Variants in DPP6 observed in about 807,000 individuals in gnomAD.
The protein encoded by DPP6 is dipeptidyl peptidase like 6, also known as A-type potassium channel modulatory protein DPP6.
DPP6 carries 69 observed loss-of-function variants against 122.6 expected under a neutral mutation model. That is an observed-to-expected ratio of 0.56 (90% CI 0.46 to 0.69). DPP6 has a LOEUF of 0.69. DPP6 is among the 30% of genes least tolerant of loss of function. The probability of loss-of-function intolerance (pLI) is 0.00; values close to 1 mark genes in which losing one functional copy is unlikely to be tolerated. For missense variants in DPP6, 928 were observed against 1,116.9 expected, an observed-to-expected ratio of 0.83 and a Z score of 2.41; for synonymous variants, 418 against 433.1, an observed-to-expected ratio of 0.97 and a Z score of 0.43.
At chr7:154,684,370 A>C (rs1204897676) in intron 7 of DPP6, among the ~76,000 whole-genome samples, 1 of 152,178 alleles carries the variant, frequency 6.6e-6, no homozygotes, top group East Asian at 1.9e-4. Context: ...TCTCGTGTTC[A>C]CTGCTGTGTC....
intron 22 of DPP6, 64 bp downstream of exon 22, chr7:154,885,808 G>T: frequency 1.3e-6 from 2 of 1,533,634 alleles, no homozygotes; most frequent in Admixed American, 4.0e-5. Flanking sequence ...CCCTGCCTGC[G>T]TGGCCCCACA....
intron 6 of DPP6, among the ~76,000 whole-genome samples, chr7:154,648,428 A>G (rs2130978916): frequency 6.6e-6 from 1 of 152,194 alleles, no homozygotes; most frequent in East Asian, 1.9e-4. Flanking sequence ...AGAGGGTTGG[A>G]CACAAATACC....
chr7:154,234,433 A>T (rs1360068934), intron 1 of DPP6, among the ~76,000 whole-genome samples: 1 of 152,192 alleles, frequency 6.6e-6, no homozygotes, highest in African/African-American at 2.4e-5. Context: ...GCTAAACATT[A>T]TCCAGAAATA....
intron 3 of DPP6, among the ~76,000 whole-genome samples, chr7:154,533,256 G>A (rs918905245): frequency 1.3e-5 from 2 of 152,054 alleles, no homozygotes; most frequent in Non-Finnish European, 2.9e-5. Context: ...TTTGTTGTAG[G>A]TGCCTCAGCC....
chr7:154,021,388 T>C (rs993453398), intron 1 of DPP6, among the ~76,000 whole-genome samples: 1 of 152,170 alleles, frequency 6.6e-6, no homozygotes, highest in African/African-American at 2.4e-5. Context: ...AGGGGTGCTG[T>C]GCTACTTCAG....
chr7:154,242,772 T>C (rs1417218744), intron 1 of DPP6, among the ~76,000 whole-genome samples: 1 of 152,206 alleles, frequency 6.6e-6, no homozygotes, highest in African/African-American at 2.4e-5. Context: ...GGACAAGGGT[T>C]TCCAGAAGTC....
chr7:154,015,711 A>C (rs546850785), intron 1 of DPP6, among the ~76,000 whole-genome samples: 1 of 152,056 alleles, frequency 6.6e-6, no homozygotes, highest in South Asian at 2.1e-4. Context: ...CCCCTAATCC[A>C]TGCAGTACAC....
intron 8 of DPP6, among the ~76,000 whole-genome samples, chr7:154,764,475 C>T (rs1173395324): frequency 6.6e-6 from 1 of 152,180 alleles, no homozygotes; most frequent in Non-Finnish European, 1.5e-5. Context: ...GAACTCAGCA[C>T]ACACCCAACC....
At chr7:154,257,104 C>T (rs1399417953) in intron 1 of DPP6, among the ~76,000 whole-genome samples, 1 of 151,114 alleles carries the variant, frequency 6.6e-6, no homozygotes, top group Non-Finnish European at 1.5e-5. Context: ...TCAAACGATC[C>T]TCCCACCTCA....
chr7:154,020,981 G>A (rs544280894), intron 1 of DPP6, among the ~76,000 whole-genome samples: 2 of 152,284 alleles, frequency 1.3e-5, no homozygotes, highest in South Asian at 2.1e-4. Context: ...CCAGGAAGCT[G>A]TGGTCCACAT....
intron 1 of DPP6, among the ~76,000 whole-genome samples, chr7:153,995,135 A>G (rs1179141956): frequency 1.3e-5 from 2 of 152,198 alleles, no homozygotes; most frequent in Non-Finnish European, 2.9e-5. Flanking sequence ...CTAGAAGTAA[A>G]CCACAGATTG....
intron 10 of DPP6, among the ~76,000 whole-genome samples, chr7:154,775,478 A>T (rs560784509): frequency 1.3e-5 from 2 of 152,270 alleles, no homozygotes; most frequent in South Asian, 4.2e-4. Context: ...AGTGGTCACC[A>T]TATAATTTTT....
chr7:154,779,292 C>CCA (rs1796878391), intron 10 of DPP6, among the ~76,000 whole-genome samples: 1 of 82,964 alleles, frequency 1.2e-5, no homozygotes, highest in Non-Finnish European at 3.2e-5. Context: ...ACCACCCCCA[C>CCA]TACTATCACC....
chr7:153,786,713 T>C, the DPP6 span, among the ~76,000 whole-genome samples: 83 of 123,892 alleles, frequency 6.7e-4, no homozygotes, highest in African/African-American at 2.6e-3. Context: ...CACTCCAGCC[T>C]GGGCGACAGA....
At chr7:153,831,707 C>G in the DPP6 span, among the ~76,000 whole-genome samples, 3 of 151,812 alleles carry the variant, frequency 2.0e-5, no homozygotes, top group African/African-American at 7.3e-5. Context: ...TTTGTTATAC[C>G]CACTGAAAAG....
intron 1 of DPP6, among the ~76,000 whole-genome samples, chr7:154,237,017 A>G (rs558558334): frequency 1.6e-4 from 25 of 152,164 alleles, no homozygotes; most frequent in African/African-American, 6.0e-4. Flanking sequence ...CAAAACCCAC[A>G]CTTAGACATT....
At chr7:154,177,689 T>A (rs1797875137) in intron 1 of DPP6, among the ~76,000 whole-genome samples, 1 of 152,174 alleles carries the variant, frequency 6.6e-6, no homozygotes, top group Non-Finnish European at 1.5e-5. Flanking sequence ...TTTGGACTGG[T>A]CTTGAAGGAA....
chr7:154,366,076 G>C (rs1383666668), intron 1 of DPP6, among the ~76,000 whole-genome samples: 1 of 152,064 alleles, frequency 6.6e-6, no homozygotes, highest in Non-Finnish European at 1.5e-5. Context: ...TGCAGCACCT[G>C]GGGTGCTATC....
At chr7:154,038,179 T>C (rs2129057127) in intron 1 of DPP6, among the ~76,000 whole-genome samples, 1 of 149,944 alleles carries the variant, frequency 6.7e-6, no homozygotes, top group Non-Finnish European at 1.5e-5. Context: ...GTTTGACAAA[T>C]ACTTGTTGCC....
Sources: gnomAD v4.1 joint callset for allele counts (sites outside exome capture counted in the v4.1 genomes callset) on GRCh38, gnomAD v4.1.1 for gene constraint, MANE v1.5 for transcripts, NCBI Gene and HGNC (gene_info 2026-07-23, HGNC 2026-07-21) for gene names.